The following MAML3 variants were observed in gnomAD, a reference collection of about 807,000 sequenced individuals.
MAML3 encodes the protein mastermind-like protein 3.
MAML3 carries 27 observed loss-of-function variants against 101.9 expected under a neutral mutation model. That is an observed-to-expected ratio of 0.27 (90% CI 0.20 to 0.37). The LOEUF is 0.37. MAML3 is among the 10% of genes least tolerant of loss of function. The pLI is 1.00. For synonymous variants in MAML3, 501 were observed against 555.9 expected, an observed-to-expected ratio of 0.90 and a Z score of 1.39; for missense variants, 1,316 against 1,444.9, an observed-to-expected ratio of 0.91 and a Z score of 1.45.
At chr4:140,099,548 T>A (rs1265223049) in intron 1 of MAML3, among the ~76,000 whole-genome samples, 1 of 152,188 alleles carries the variant, frequency 6.6e-6, no homozygotes, top group Non-Finnish European at 1.5e-5. Context: ...CAAGGTTTCA[T>A]GGGAAATCAT....
chr4:139,973,412 C>T lies in MAML3; in HGVS notation c.469-82445G>A, dbSNP rs553516546. ...AAATTCAAAACAGTGCTGAATCTAT[C>T]GGCGAAGATTAAAACACTGGAAAGT... On this transcript the variant is annotated intron_variant, in intron 1 of 4. Coordinates refer to ENST00000509479, the MANE Select transcript of MAML3 (RefSeq NM_018717.5). Among the ~76,000 whole-genome samples the T allele has an allele frequency of 4.1e-4, 62 of 152,252 alleles. No individual in the cohort carries two copies. In the South Asian group the frequency reaches 4.3e-3, roughly 11 times the overall value.
chr4:139,742,286 T>C (rs1333237256), intron 2 of MAML3, among the ~76,000 whole-genome samples: 1 of 152,110 alleles, frequency 6.6e-6, no homozygotes, highest in African/African-American at 2.4e-5. Flanking sequence ...GTAGCTGGGA[T>C]TACAGGCGTG....
At chr4:139,763,032 G>C (rs1200283559) in intron 2 of MAML3, among the ~76,000 whole-genome samples, 1 of 152,124 alleles carries the variant, frequency 6.6e-6, no homozygotes, top group Non-Finnish European at 1.5e-5. Flanking sequence ...TTGGTTAAAG[G>C]GAAACTGACC....
At chr4:139,965,428 A>T (rs1232970306) in intron 1 of MAML3, among the ~76,000 whole-genome samples, 1 of 152,218 alleles carries the variant, frequency 6.6e-6, no homozygotes, top group Non-Finnish European at 1.5e-5. Flanking sequence ...TCTGCAGAAA[A>T]TACTAAAACA....
intron 1 of MAML3, among the ~76,000 whole-genome samples, chr4:140,043,000 A>C (rs926943290): frequency 9.9e-5 from 15 of 152,190 alleles, no homozygotes; most frequent in African/African-American, 3.4e-4. Flanking sequence ...CCAAGCCAGG[A>C]ACAAGGACCC....
At chr4:139,945,522 G>A (rs1159913863) in intron 1 of MAML3, among the ~76,000 whole-genome samples, 1 of 152,086 alleles carries the variant, frequency 6.6e-6, no homozygotes, top group African/African-American at 2.4e-5. Flanking sequence ...CCAAACCACA[G>A]ACAAGCTGCC....
rs1728184630 is a variant in MAML3, at chr4:139,720,311, T to G, written c.2429A>C (p.Asp810Ala). The G allele has an allele frequency of 6.5e-7, 1 of 1,534,522 alleles. No individual in the cohort carries two copies. The highest frequency in any genetic ancestry group is 8.8e-7 in the Non-Finnish European group (1 of 1,139,724). ...TGCTTGGCTTCTTACGGCTGCTATA[T>G]CCTGGGGAGAACCTGCAGTGAAAAA... Reference protein sequence around the residue: ...QVNQFQGSPQDIAAVRSQAAL... With the variant: ...QVNQFQGSPQAIAAVRSQAAL... The change falls in exon 5 of 5, where the codon GAT (aspartate) becomes GCT (alanine). Residue 810 changes from aspartate to alanine, a missense_variant. By Grantham distance (126) the Asp-to-Ala change is moderately radical (BLOSUM62 -2). Transcript: ENST00000509479.
chr4:139,972,260 G>T (rs1213138486), intron 1 of MAML3, among the ~76,000 whole-genome samples: 2 of 152,094 alleles, frequency 1.3e-5, no homozygotes, highest in Non-Finnish European at 2.9e-5. Flanking sequence ...CAAATACCAG[G>T]TGTCTATTAA....
intron 1 of MAML3, among the ~76,000 whole-genome samples, chr4:140,026,278 G>A (rs1429610593): frequency 2.0e-5 from 3 of 151,702 alleles, no homozygotes; most frequent in South Asian, 2.1e-4. Context: ...TTTTTGAGAC[G>A]GAATCTCACT....
At chr4:140,030,823 G>C (rs1726895998) in intron 1 of MAML3, among the ~76,000 whole-genome samples, 1 of 152,288 alleles carries the variant, frequency 6.6e-6, no homozygotes, top group East Asian at 1.9e-4. Flanking sequence ...CTAAACCCCA[G>C]GGATGGTAAA....
At chr4:140,088,984 A>T (rs1728001925) in intron 1 of MAML3, among the ~76,000 whole-genome samples, 1 of 152,200 alleles carries the variant, frequency 6.6e-6, no homozygotes, top group Non-Finnish European at 1.5e-5. Context: ...GTGCTCTAGA[A>T]TAAGCCACCT....
intron 2 of MAML3, among the ~76,000 whole-genome samples, chr4:139,741,878 T>C (rs1184599639): frequency 1.3e-5 from 2 of 152,204 alleles, no homozygotes; most frequent in Non-Finnish European, 2.9e-5. Context: ...ATAAAAACAT[T>C]GCATTTTTAA....
rs1730850144 is a variant in MAML3, at chr4:139,814,002, G to C, written c.2079+75355C>G. Among the ~76,000 whole-genome samples the C allele has an allele frequency of 3.9e-5, 5 of 127,392 alleles. No individual in the cohort carries two copies. In the Admixed American group the frequency reaches 4.3e-4, roughly 11 times the overall value. The allele number at this position is 127,392 out of a possible 152,430, so 83.6% of individuals were successfully genotyped here. On this transcript the variant is annotated intron_variant, in intron 2 of 4. Coordinates refer to ENST00000509479, the MANE Select transcript of MAML3 (RefSeq NM_018717.5). ...AAATGTCATCAAAGCCCAACATGCA[G>C]CTAGCTACAGTACACAAACACAAAC...
intron 1 of MAML3, among the ~76,000 whole-genome samples, chr4:140,147,937 C>T (rs138674658): frequency 6.9e-6 from 1 of 145,974 alleles, no homozygotes; most frequent in Non-Finnish European, 1.5e-5. Context: ...TGTGTGTGCA[C>T]GTGCATGCAT....
At chr4:140,055,395 T>G (rs1285405265) in intron 1 of MAML3, among the ~76,000 whole-genome samples, 1 of 152,228 alleles carries the variant, frequency 6.6e-6, no homozygotes, top group Non-Finnish European at 1.5e-5. Context: ...TTTTGCCCCT[T>G]ATTTAGAAAG....
At position 140,141,628 on chromosome 4, in the gene MAML3, T is replaced by A. The variant is rs560454889; in HGVS notation, c.468+11232A>T. ...CTTTCACAGAATGAGCAGGACCTGG[T>A]TGAGCAGGTTCCTCCTTCAGTAAAA... On this transcript the variant is annotated intron_variant, in intron 1 of 4. Coordinates refer to ENST00000509479, the MANE Select transcript of MAML3 (RefSeq NM_018717.5). Among the ~76,000 whole-genome samples the A allele has an allele frequency of 3.9e-5, 6 of 152,354 alleles. No homozygotes were observed. The South Asian group carries it at 1.2e-3, about 32-fold the overall frequency.
intron 1 of MAML3, among the ~76,000 whole-genome samples, chr4:140,027,398 T>A (rs1726843728): frequency 6.6e-6 from 1 of 152,248 alleles, no homozygotes; most frequent in Non-Finnish European, 1.5e-5. Flanking sequence ...CTTTAGTTGT[T>A]TGCACTCTGT....
At chr4:139,839,458 A>G (rs1330559079) in intron 2 of MAML3, among the ~76,000 whole-genome samples, 2 of 135,714 alleles carry the variant, frequency 1.5e-5, no homozygotes, top group Non-Finnish European at 3.2e-5. Context: ...CACCCCATCC[A>G]AGTCCAACAG....
intron 2 of MAML3, among the ~76,000 whole-genome samples, chr4:139,829,946 C>T (rs1481446181): frequency 6.6e-6 from 1 of 152,012 alleles, no homozygotes; most frequent in Non-Finnish European, 1.5e-5. Context: ...GTCATGTTAA[C>T]GTAACGAATA....
Sources: gnomAD v4.1 joint callset for allele counts (sites outside exome capture counted in the v4.1 genomes callset) on GRCh38, gnomAD v4.1.1 for gene constraint, MANE v1.5 for transcripts, NCBI Gene and HGNC (gene_info 2026-07-23, HGNC 2026-07-21) for gene names.